Variants in FOXN3 observed in about 807,000 individuals in gnomAD.
FOXN3 encodes the protein forkhead box protein N3.
A neutral mutation model predicts 38.4 loss-of-function variants in FOXN3; 7 were observed. That is an observed-to-expected ratio of 0.18 (90% CI 0.10 to 0.34). The LOEUF (loss-of-function observed/expected upper bound fraction) is 0.34, where lower values mean the gene tolerates loss of function less well. Ranked by LOEUF, FOXN3 falls within the 10% of genes least tolerant of loss-of-function variation. FOXN3 has a pLI of 1.00. For synonymous variants in FOXN3, 230 were observed against 242.2 expected (o/e 0.95, Z 0.47); for missense variants, 456 against 613.4 (o/e 0.74, Z 2.71).
intron 1 of FOXN3, among the ~76,000 whole-genome samples, chr14:89,454,080 G>C (rs1407485244): frequency 6.6e-6 from 1 of 152,168 alleles, no homozygotes; most frequent in East Asian, 1.9e-4. Context: ...GAGGCAAGAG[G>C]ATCACCTGAG....
intron 3 of FOXN3, among the ~76,000 whole-genome samples, chr14:89,311,030 C>A (rs142802863): frequency 6.7e-6 from 1 of 148,536 alleles, no homozygotes; most frequent in South Asian, 2.1e-4. Flanking sequence ...CACTTGAACC[C>A]GGGAGGCAGA....
chr14:89,458,263 C>A (rs1202785075), intron 1 of FOXN3, among the ~76,000 whole-genome samples: 1 of 152,220 alleles, frequency 6.6e-6, no homozygotes, highest in East Asian at 1.9e-4. Flanking sequence ...TCATCCGAAT[C>A]ATTTCCCTTT....
chr14:89,509,174 T>C (rs1894007959), intron 1 of FOXN3, among the ~76,000 whole-genome samples: 1 of 152,168 alleles, frequency 6.6e-6, no homozygotes, highest in Non-Finnish European at 1.5e-5. Context: ...AGCATCGACC[T>C]GCCTTTCCCT....
chr14:89,339,576 G>C (rs1352920062), intron 3 of FOXN3, among the ~76,000 whole-genome samples: 3 of 152,224 alleles, frequency 2.0e-5, no homozygotes, highest in African/African-American at 7.2e-5. Flanking sequence ...GGGCACTAAA[G>C]CTCATGGGAG....
intron 4 of FOXN3, among the ~76,000 whole-genome samples, chr14:89,201,506 A>T (rs1037141880): frequency 6.6e-6 from 1 of 151,866 alleles, no homozygotes; most frequent in South Asian, 2.1e-4. Context: ...AGGAATGGAG[A>T]CTCCCAAGAG....
rs558638037 is a variant in FOXN3, at chr14:89,232,176, T to C, written c.745+48774A>G. On this transcript the variant is annotated intron_variant, in intron 4 of 5. Coordinates refer to ENST00000557258, the MANE Select transcript of FOXN3 (RefSeq NM_005197.4). ...GGCCTGCCCCAAGATTCTGACCTGCTAGTAACCTGGGCAGAACCCAGAAGG... is the reference window on the plus strand; with the variant it reads ...GGCCTGCCCCAAGATTCTGACCTGCCAGTAACCTGGGCAGAACCCAGAAGG... Among the ~76,000 whole-genome samples the C allele has an allele frequency of 2.6e-5, 4 of 152,362 alleles. No individual in the cohort carries two copies. The South Asian group carries it at 8.3e-4, about 32-fold the overall frequency.
intron 1 of FOXN3, among the ~76,000 whole-genome samples, chr14:89,489,352 T>C (rs1195245070): frequency 6.6e-6 from 1 of 152,234 alleles, no homozygotes; most frequent in East Asian, 1.9e-4. Context: ...TGGCTACTAA[T>C]TAACACTTGT....
chr14:89,255,666 C>T (rs772160474), intron 4 of FOXN3, among the ~76,000 whole-genome samples: 9 of 152,072 alleles, frequency 5.9e-5, no homozygotes, highest in Non-Finnish European at 1.2e-4. Flanking sequence ...CAAAAGGTGC[C>T]AAGGTTAAAC....
At chr14:89,479,642 G>T (rs369173902) in intron 1 of FOXN3, among the ~76,000 whole-genome samples, 6 of 152,206 alleles carry the variant, frequency 3.9e-5, no homozygotes, top group African/African-American at 1.4e-4. Flanking sequence ...AGAAATGATT[G>T]TAACAACCAA....
chr14:89,288,670 TTCTCTCTCTCTCTCTCTC>T (rs1202531466), intron 3 of FOXN3, among the ~76,000 whole-genome samples: 7 of 54,164 alleles, frequency 1.3e-4, no homozygotes, highest in African/African-American at 4.3e-4. Flanking sequence ...GGCACTCTCT[TTCTCTCTCTCTCTCTCTC>T]TCTCTCTCTC....
intron 2 of FOXN3, among the ~76,000 whole-genome samples, chr14:89,407,494 T>C (rs1478993683): frequency 2.6e-5 from 4 of 152,226 alleles, no homozygotes; most frequent in East Asian, 1.9e-4. Flanking sequence ...ATTATTCTTA[T>C]GTATACCGAA....
chr14:89,563,055 A>G (rs1463019404), intron 1 of FOXN3, among the ~76,000 whole-genome samples: 2 of 152,256 alleles, frequency 1.3e-5, no homozygotes, highest in African/African-American at 4.8e-5. Context: ...AGCAGCTAGT[A>G]TCAGGTTCTA....
chr14:89,346,004 G>C (rs1185809511), intron 3 of FOXN3, among the ~76,000 whole-genome samples: 1 of 152,206 alleles, frequency 6.6e-6, no homozygotes, highest in Non-Finnish European at 1.5e-5. Context: ...AGTGAGCCGA[G>C]ATCGCGGCAC....
At chr14:89,475,319 G>T (rs1440520559) in intron 1 of FOXN3, among the ~76,000 whole-genome samples, 1 of 152,120 alleles carries the variant, frequency 6.6e-6, no homozygotes, top group African/African-American at 2.4e-5. Context: ...CAAATGCTGT[G>T]GTAATAATAG....
intron 4 of FOXN3, among the ~76,000 whole-genome samples, chr14:89,264,997 T>C (rs1267418195): frequency 1.3e-5 from 2 of 152,178 alleles, no homozygotes; most frequent in Non-Finnish European, 2.9e-5. Flanking sequence ...GAGCATGATA[T>C]TGAGTCCAAG....
chr14:89,409,529 G>A (rs1891483087), intron 2 of FOXN3: 1 of 152,220 alleles, frequency 6.6e-6, no homozygotes, highest in Non-Finnish European at 1.5e-5. Context: ...TTACTTCTAT[G>A]TGCACCGGCA....
intron 1 of FOXN3, among the ~76,000 whole-genome samples, chr14:89,470,652 C>T (rs1893074940): frequency 6.6e-6 from 1 of 152,194 alleles, no homozygotes; most frequent in Non-Finnish European, 1.5e-5. Flanking sequence ...GCAAAGTAAA[C>T]ATCTCTTATG....
chr14:89,216,683 CCAGGTTCTCA>C (rs2139837714), intron 4 of FOXN3, among the ~76,000 whole-genome samples: 1 of 152,324 alleles, frequency 6.6e-6, no homozygotes, highest in South Asian at 2.1e-4. Context: ...TGTCCCCCAG[CCAGGTTCTCA>C]CTGACCTCAG....
chr14:89,469,545 A>G (rs1400891937), intron 1 of FOXN3, among the ~76,000 whole-genome samples: 2 of 152,182 alleles, frequency 1.3e-5, no homozygotes, highest in Admixed American at 1.3e-4. Flanking sequence ...TCATGTTGTG[A>G]CTGGGCTTTC....
Sources: allele counts gnomAD v4.1 joint callset (sites outside exome capture counted in the v4.1 genomes callset), GRCh38; gene constraint gnomAD v4.1.1; transcripts MANE v1.5; gene names NCBI Gene and HGNC (gene_info 2026-07-23, HGNC 2026-07-21).